NRG1: variants seen among roughly 807,000 people sequenced by gnomAD.
The protein encoded by NRG1 is pro-neuregulin-1, membrane-bound isoform.
A neutral mutation model predicts 63.8 loss-of-function variants in NRG1; 18 were observed. The ratio of observed to expected loss-of-function variants is 0.28; its 90% CI spans 0.19 to 0.42. The LOEUF (loss-of-function observed/expected upper bound fraction) is 0.42. Ranked by LOEUF, NRG1 falls within the 10% of genes least tolerant of loss-of-function variation. The pLI, the probability that NRG1 is intolerant of heterozygous loss-of-function variation, is 1.00. For missense variants in NRG1, 762 were observed against 814.7 expected (o/e 0.94, Z 0.79); for synonymous variants, 302 against 301.3 (o/e 1.00, Z -0.02).
At chr8:31,831,907 C>A (rs2129605972) in intron 1 of NRG1, among the ~76,000 whole-genome samples, 1 of 152,208 alleles carries the variant, frequency 6.6e-6, no homozygotes, top group Middle Eastern at 3.4e-3. Flanking sequence ...GCAGCTTCCC[C>A]AGTGATGGAG....
At chr8:32,247,601 G>C (rs947057407) in intron 1 of NRG1, among the ~76,000 whole-genome samples, 1 of 152,062 alleles carries the variant, frequency 6.6e-6, no homozygotes, top group Non-Finnish European at 1.5e-5. Context: ...AAAGTTGTCA[G>C]GAGATTGGGA....
chr8:32,430,048 A>G (rs1191179750), intron 1 of NRG1, among the ~76,000 whole-genome samples: 1 of 152,166 alleles, frequency 6.6e-6, no homozygotes, highest in Non-Finnish European at 1.5e-5. Flanking sequence ...GTTGCTTAGT[A>G]ACATCCTGTT....
chr8:31,711,304 A>G (rs866763373), intron 1 of NRG1, among the ~76,000 whole-genome samples: 2 of 152,188 alleles, frequency 1.3e-5, no homozygotes, highest in African/African-American at 4.8e-5. Context: ...CATTTTTGTA[A>G]GTAAAAGCTG....
intron 1 of NRG1, among the ~76,000 whole-genome samples, chr8:32,167,041 A>C (rs1839477267): frequency 6.6e-6 from 1 of 152,190 alleles, no homozygotes; most frequent in Non-Finnish European, 1.5e-5. Context: ...ATACTTTAGG[A>C]GAAAAGTTGA....
chr8:31,778,595 T>C (rs1819384536), intron 1 of NRG1, among the ~76,000 whole-genome samples: 1 of 152,222 alleles, frequency 6.6e-6, no homozygotes, highest in African/African-American at 2.4e-5. Context: ...AACGTAGAAA[T>C]GCACTGTTGC....
intron 1 of NRG1, among the ~76,000 whole-genome samples, chr8:32,435,912 TG>T (rs1187100962): frequency 6.6e-6 from 1 of 152,204 alleles, no homozygotes; most frequent in Non-Finnish European, 1.5e-5. Flanking sequence ...ATTGGTAAAA[TG>T]TTTTTTATTC....
At chr8:31,770,187 A>T (rs910121314) in intron 1 of NRG1, among the ~76,000 whole-genome samples, 1 of 152,180 alleles carries the variant, frequency 6.6e-6, no homozygotes, top group Non-Finnish European at 1.5e-5. Context: ...TTTATCTTTG[A>T]CATTGTGCCG....
In NRG1 at chr8:32,199,371, C is replaced by A. The variant is rs896983373; in HGVS notation, c.38-396457C>A. Among the ~76,000 whole-genome samples, 3 of 152,300 alleles carry A rather than the reference C, an allele frequency of 2.0e-5. No homozygotes were observed. In the East Asian group the frequency reaches 5.8e-4, roughly 29 times the overall value. On this transcript the variant is annotated intron_variant, in intron 1 of 10. Coordinates refer to the NRG1 transcript ENST00000519301. ...AGCTAGATACTTTCTATGTGGGCTG[C>A]AAAGGTGTAGCCCTGATACTTTTCT...
At chr8:32,193,547 C>G (rs998099555) in intron 1 of NRG1, among the ~76,000 whole-genome samples, 1 of 152,108 alleles carries the variant, frequency 6.6e-6, no homozygotes, top group Admixed American at 6.6e-5. Flanking sequence ...CAGAAAAGCA[C>G]GTTAAACCAT....
intron 1 of NRG1, among the ~76,000 whole-genome samples, chr8:31,920,972 C>G (rs181054462): frequency 3.9e-5 from 6 of 152,032 alleles, no homozygotes; most frequent in Admixed American, 1.3e-4. Context: ...ATTTCAAAAG[C>G]TTCTATTGTA....
intron 1 of NRG1, among the ~76,000 whole-genome samples, chr8:32,406,881 T>C (rs1324507026): frequency 6.6e-6 from 1 of 152,128 alleles, no homozygotes; most frequent in African/African-American, 2.4e-5. Flanking sequence ...TAAATCCTTG[T>C]GGCCAGGGAT....
At chr8:31,869,944 C>A (rs1005658292) in intron 1 of NRG1, among the ~76,000 whole-genome samples, 1 of 152,080 alleles carries the variant, frequency 6.6e-6, no homozygotes, top group East Asian at 1.9e-4. Context: ...CCAGACATTT[C>A]TAAAAGCAGC....
chr8:32,479,460 G>T (rs1018345066), intron 1 of NRG1, among the ~76,000 whole-genome samples: 1 of 151,988 alleles, frequency 6.6e-6, no homozygotes, highest in Admixed American at 6.6e-5. Context: ...CTGGGCGACA[G>T]AATGAGACTC....
chr8:32,354,787 A>T (rs547143181), intron 1 of NRG1, among the ~76,000 whole-genome samples: 30 of 107,556 alleles, frequency 2.8e-4, no homozygotes, highest in Non-Finnish European at 5.2e-4. Flanking sequence ...TATCTCAATG[A>T]AGCTGCTTTT....
intron 5 of NRG1, among the ~76,000 whole-genome samples, chr8:32,624,642 A>C (rs1848887497): frequency 6.6e-6 from 1 of 152,212 alleles, no homozygotes; most frequent in Non-Finnish European, 1.5e-5. Context: ...ATTTTTTTAA[A>C]AGACTCATTA....
intron 1 of NRG1, among the ~76,000 whole-genome samples, chr8:32,550,275 G>T (rs562266903): frequency 6.6e-6 from 1 of 152,162 alleles, no homozygotes; most frequent in African/African-American, 2.4e-5. Context: ...CTATATTTTG[G>T]GGAGAGACCA....
intron 1 of NRG1, among the ~76,000 whole-genome samples, chr8:31,744,680 G>A (rs1815671333): frequency 6.6e-6 from 1 of 151,908 alleles, no homozygotes; most frequent in Admixed American, 6.6e-5. Flanking sequence ...TGCTAAATCG[G>A]TCCTTGCTCT....
intron 1 of NRG1, among the ~76,000 whole-genome samples, chr8:31,794,799 G>A (rs1821043648): frequency 6.6e-6 from 1 of 151,950 alleles, no homozygotes; most frequent in African/African-American, 2.4e-5. Context: ...TTATAGTTTT[G>A]TAATATGTTT....
intron 1 of NRG1, among the ~76,000 whole-genome samples, chr8:32,246,403 A>G (rs1040427610): frequency 6.6e-6 from 1 of 152,118 alleles, no homozygotes; most frequent in East Asian, 1.9e-4. Flanking sequence ...TGCCTCTCCA[A>G]ACAGGGCTCT....
Sources: allele counts gnomAD v4.1 joint callset (sites outside exome capture counted in the v4.1 genomes callset), GRCh38; gene constraint gnomAD v4.1.1; transcripts MANE v1.5; gene names NCBI Gene and HGNC (gene_info 2026-07-23, HGNC 2026-07-21).